NSDHL: variants seen among roughly 807,000 people sequenced by gnomAD.
The protein encoded by NSDHL is NAD(P) dependent 3-beta-hydroxysteroid dehydrogenase NSDHL.
A neutral mutation model predicts 23.0 loss-of-function variants in NSDHL; 1 was observed. The ratio of observed to expected loss-of-function variants is 0.04; its 90% CI spans 0.02 to 0.21. The LOEUF is 0.21. NSDHL is among the 10% of genes least tolerant of loss of function. The pLI, the probability that NSDHL is intolerant of heterozygous loss-of-function variation, is 1.00. For synonymous variants in NSDHL, 128 were observed against 121.1 expected, an observed-to-expected ratio of 1.06 and a Z score of -0.37; for missense variants, 237 against 300.9, an observed-to-expected ratio of 0.79 and a Z score of 1.57.
At chrX:152,848,733 A>G (rs1556845911) in intron 2 of NSDHL, among the ~76,000 whole-genome samples, 1 of 112,279 alleles carries the variant, frequency 8.9e-6, no homozygotes, top group Non-Finnish European at 1.9e-5. Flanking sequence ...AGTAAACTGC[A>G]GAAATCCAGG....
At position 152,831,068 on chromosome X, in the gene NSDHL, G is replaced by T; in HGVS notation, c.-93G>T. On this transcript the variant is annotated 5_prime_UTR_variant, in exon 1 of 8. Transcript: ENST00000370274. ...GCGGTCCGGGCCTGGAGTTCAGTGG[G>T]TGCAGCCTGCTTGCGAGCTGAGGCC... 3.3e-6 allele frequency: 1 copy of T among 306,928 alleles called. No homozygotes were observed. The highest frequency in any genetic ancestry group is 5.7e-6 in the Non-Finnish European group (1 of 176,148). The allele number at this position is 306,928 out of a possible 1,213,427, so 25.3% of individuals were successfully genotyped here.
chrX:152,858,876 C>T lies in NSDHL; in HGVS notation c.374C>T (p.Thr125Ile). The T allele has an allele frequency of 8.3e-7, 1 of 1,207,486 alleles. No individual in the cohort carries two copies. The highest frequency in any genetic ancestry group is 1.1e-6 in the Non-Finnish European group (1 of 891,710). Residue 125 changes from threonine to isoleucine, a missense_variant, in exon 4 of 8, where the codon ACC becomes ATC. By Grantham distance (89) the Thr-to-Ile change is moderately conservative. Coordinates refer to ENST00000370274, the MANE Select transcript of NSDHL (RefSeq NM_015922.3). The stretch of plus-strand genomic sequence containing the variant: ...TTTTATAGAGTGAATTACATTGGCA[C>T]CAAGAATGTCATTGAAACTTGCAAA... ...ELFYRVNYIG[T>I]KNVIETCKEA...
At chrX:152,837,969 T>G (rs1262702289) in intron 1 of NSDHL, among the ~76,000 whole-genome samples, 5 of 112,020 alleles carry the variant, frequency 4.5e-5, no homozygotes, top group African/African-American at 1.6e-4. Flanking sequence ...TGCCTCAATT[T>G]CAGAGCCTGT....
At chrX:152,837,050 A>G (rs976827449) in intron 1 of NSDHL, among the ~76,000 whole-genome samples, 4 of 111,396 alleles carry the variant, frequency 3.6e-5, no homozygotes, top group African/African-American at 1.3e-4. Flanking sequence ...TAGGTATTTT[A>G]TTATCTTTGA....
At position 152,868,966 on chromosome X, in the gene NSDHL, C is replaced by A; in HGVS notation, c.972C>A (p.Phe324Leu). Residue 324 changes from phenylalanine (F) to leucine (L), a missense_variant, in exon 8 of 8, where the codon TTC becomes TTA. Phe to Leu is a conservative substitution (Grantham distance 22). Coordinates refer to ENST00000370274, the MANE Select transcript of NSDHL (RefSeq NM_015922.3). ...ISPVIQLQPT[F>L]TPMRVALAGT... ...CTGTCATCCAGCTGCAGCCCACCTT[C>A]ACACCCATGCGGGTCGCACTGGCTG... The A allele has an allele frequency of 8.2e-7, 1 of 1,212,222 alleles. No homozygotes were observed. The highest frequency in any genetic ancestry group is 1.8e-5 in the South Asian group (1 of 57,039).
At chrX:152,841,718 G>T (rs1280815049) in intron 1 of NSDHL, among the ~76,000 whole-genome samples, 1 of 112,506 alleles carries the variant, frequency 8.9e-6, no homozygotes, top group Non-Finnish European at 1.9e-5. Flanking sequence ...CAATCCACCA[G>T]CCCCTAAAAC....
chrX:152,840,698 C>T (rs1460243067), intron 1 of NSDHL, among the ~76,000 whole-genome samples: 2 of 112,005 alleles, frequency 1.8e-5, no homozygotes, highest in African/African-American at 6.5e-5. Flanking sequence ...AGAGGGTCAC[C>T]CGCCTGTATA....
At chrX:152,866,070 G>A in intron 6 of NSDHL, 109 bp downstream of exon 6, 1 of 899,647 alleles carries the variant, frequency 1.1e-6, no homozygotes, top group Non-Finnish European at 1.6e-6. Flanking sequence ...TTATGTGACT[G>A]TCTTGGTCCA....
At chrX:152,835,603 T>A (rs1256568032) in intron 1 of NSDHL, among the ~76,000 whole-genome samples, 2 of 109,868 alleles carry the variant, frequency 1.8e-5, no homozygotes, top group African/African-American at 6.7e-5. Context: ...TCCAGCTTCA[T>A]CCATGCCCCT....
rs782246640 is a variant in NSDHL at position 152,869,038 on chromosome X, C to T, written c.1044C>T (p.Gly348=). Residue 348 remains glycine, a synonymous_variant, in exon 8 of 8, where the codon GGC becomes GGT. Coordinates refer to ENST00000370274, the MANE Select transcript of NSDHL (RefSeq NM_015922.3). ...GCGAGAGAGCCAAAAAGGCCATGGG[C>T]TACCAGCCACTAGTGACCATGGATG... ...YSCERAKKAM[G]YQPLVTMDDA... 6.6e-6 allele frequency: 8 copies of T among 1,211,912 alleles called. No homozygotes were observed. Among genetic ancestry groups the T allele is most frequent in the Non-Finnish European group, 8.9e-6 (8 of 895,440 alleles).
chrX:152,868,742 G>C (rs782760783), intron 7 of NSDHL, 42 bp from the exon 8 acceptor site: 1 of 1,106,834 alleles, frequency 9.0e-7, no homozygotes, highest in South Asian at 1.8e-5. Context: ...TTGGGCAGGT[G>C]GGGGTGGTGT....
chrX:152,857,024 G>A (rs1191348847), intron 3 of NSDHL, among the ~76,000 whole-genome samples: 1 of 112,564 alleles, frequency 8.9e-6, no homozygotes, highest in Non-Finnish European at 1.9e-5. Context: ...CAGCCTTGCC[G>A]ACAGAGCGAG....
rs1415751685 is a variant in NSDHL at position 152,845,508 on chromosome X, A to G, written c.-43-774A>G. ...ATCTTTGTGTTTGCAGTTCAGTATCATGGGTGACTGAGGAGAGGAGCACCC... is the reference window on the plus strand; with the variant it reads ...ATCTTTGTGTTTGCAGTTCAGTATCGTGGGTGACTGAGGAGAGGAGCACCC... On this transcript the variant is annotated intron_variant, in intron 1 of 7. Transcript: ENST00000370274. 1.9e-4 allele frequency among the ~76,000 whole-genome samples: 21 copies of G among 111,424 alleles called. No homozygotes were observed. In the Admixed American group the frequency reaches 2.0e-3, roughly 11 times the overall value.
intron 1 of NSDHL, among the ~76,000 whole-genome samples, chrX:152,842,228 C>T (rs1933202636): frequency 8.9e-6 from 1 of 111,788 alleles, no homozygotes; most frequent in Non-Finnish European, 1.9e-5. Context: ...GGTATATGCC[C>T]AGACATGAAA....
chrX:152,843,548 A>G (rs1252943676), intron 1 of NSDHL, among the ~76,000 whole-genome samples: 1 of 111,395 alleles, frequency 9.0e-6, no homozygotes, highest in Non-Finnish European at 1.9e-5. Flanking sequence ...CTCTGCCTCC[A>G]TCTTCACATG....
chrX:152,847,923 C>T (rs1332939966), intron 2 of NSDHL, among the ~76,000 whole-genome samples: 1 of 106,953 alleles, frequency 9.3e-6, no homozygotes, highest in Non-Finnish European at 1.9e-5. Context: ...AGTGCAGTGG[C>T]GTGATTTCAG....
At chrX:152,858,484 C>A (rs782509398) in intron 3 of NSDHL, among the ~76,000 whole-genome samples, 2 of 111,795 alleles carry the variant, frequency 1.8e-5, no homozygotes, top group Non-Finnish European at 3.8e-5. Context: ...CTGCTCTGAA[C>A]CACCCAAAAG....
intron 6 of NSDHL, among the ~76,000 whole-genome samples, chrX:152,866,292 G>A (rs1245468254): frequency 8.9e-6 from 1 of 111,960 alleles, no homozygotes; most frequent in Non-Finnish European, 1.9e-5. Flanking sequence ...CCATTCCCGA[G>A]GGCAGAGCCC....
chrX:152,847,027 C>T (rs1277238256), intron 2 of NSDHL, among the ~76,000 whole-genome samples: 1 of 112,345 alleles, frequency 8.9e-6, no homozygotes, highest in African/African-American at 3.2e-5. Context: ...TGGCTGGGCA[C>T]GGTGTCTCAC....
Sources: gnomAD v4.1 joint callset for allele counts (sites outside exome capture counted in the v4.1 genomes callset) on GRCh38, gnomAD v4.1.1 for gene constraint, MANE v1.5 for transcripts, NCBI Gene and HGNC (gene_info 2026-07-23, HGNC 2026-07-21) for gene names.